The following PIP4K2A variants were observed in gnomAD, a reference collection of about 807,000 sequenced individuals.
PIP4K2A encodes the protein phosphatidylinositol 5-phosphate 4-kinase type-2 alpha.
PIP4K2A carries 14 observed loss-of-function variants against 42.9 expected under a neutral mutation model. That is an observed-to-expected ratio of 0.33 (90% CI 0.22 to 0.51). The LOEUF (loss-of-function observed/expected upper bound fraction) is 0.51. Among genes scored for constraint, PIP4K2A ranks in the 20% least tolerant of loss-of-function variants. The pLI is 0.97. For missense variants in PIP4K2A, 434 were observed against 519.8 expected (o/e 0.83, Z 1.61); for synonymous variants, 192 against 192.2 (o/e 1.00, Z 0.01).
At chr10:22,640,273 G>A (rs1215664122) in intron 1 of PIP4K2A, among the ~76,000 whole-genome samples, 1 of 152,122 alleles carries the variant, frequency 6.6e-6, no homozygotes, top group African/African-American at 2.4e-5. Flanking sequence ...GACGGCTATT[G>A]CATCTGGGAA....
chr10:22,661,188 T>G (rs973153985), intron 1 of PIP4K2A, among the ~76,000 whole-genome samples: 3 of 152,218 alleles, frequency 2.0e-5, no homozygotes, highest in African/African-American at 7.2e-5. Flanking sequence ...TCTTTGCAGT[T>G]GCAAAGCACA....
intron 1 of PIP4K2A, among the ~76,000 whole-genome samples, chr10:22,682,578 C>G (rs1426045999): frequency 6.6e-6 from 1 of 152,134 alleles, no homozygotes; most frequent in Non-Finnish European, 1.5e-5. Flanking sequence ...GTTTAGCTAA[C>G]AAAGTACACA....
intron 7 of PIP4K2A, among the ~76,000 whole-genome samples, chr10:22,543,129 C>A (rs550449043): frequency 6.6e-6 from 1 of 152,320 alleles, no homozygotes; most frequent in South Asian, 2.1e-4. Flanking sequence ...TTGCTAAGCC[C>A]CGCAGAGTCA....
intron 7 of PIP4K2A, among the ~76,000 whole-genome samples, chr10:22,544,485 CCT>C (rs1001368509): frequency 6.6e-5 from 10 of 152,232 alleles, no homozygotes; most frequent in African/African-American, 2.4e-4. Flanking sequence ...GCTTCCCTGG[CCT>C]CTCTCTCTAC....
intron 1 of PIP4K2A, among the ~76,000 whole-genome samples, chr10:22,668,994 C>CT (rs969834057): frequency 6.6e-5 from 10 of 152,078 alleles, no homozygotes; most frequent in African/African-American, 2.2e-4. Flanking sequence ...TTTTAATACT[C>CT]TTTTTTTGTT....
Position 22,579,217 on chromosome 10 carries a change from T to G in PIP4K2A, c.493-5760A>C, listed in dbSNP as rs549310730. ...TCGGAAATGGTCACAGTTTATCTGTTCTGGGACTATTACCGCACGTGTAAA... is the reference window on the plus strand; with the variant it reads ...TCGGAAATGGTCACAGTTTATCTGTGCTGGGACTATTACCGCACGTGTAAA... On this transcript the variant is annotated intron_variant, in intron 4 of 9. Transcript: ENST00000376573. 2.2e-4 allele frequency among the ~76,000 whole-genome samples: 34 copies of G among 152,238 alleles called. No individual in the cohort carries two copies. In the South Asian group the frequency reaches 7.0e-3, roughly 32 times the overall value.
At chr10:22,684,854 T>G (rs1839728575) in intron 1 of PIP4K2A, among the ~76,000 whole-genome samples, 1 of 152,210 alleles carries the variant, frequency 6.6e-6, no homozygotes, top group Non-Finnish European at 1.5e-5. Flanking sequence ...GGTGGGTCCT[T>G]ATAGCACTGC....
intron 1 of PIP4K2A, among the ~76,000 whole-genome samples, chr10:22,687,108 T>G (rs547493623): frequency 2.3e-4 from 35 of 149,556 alleles, no homozygotes; most frequent in Non-Finnish European, 3.8e-4. Context: ...GACACTATAC[T>G]AATCTGCAAT....
At chr10:22,582,289 T>G (rs1025947716) in intron 4 of PIP4K2A, among the ~76,000 whole-genome samples, 1 of 152,038 alleles carries the variant, frequency 6.6e-6, no homozygotes, top group African/African-American at 2.4e-5. Context: ...CCACCAGACC[T>G]AGGTTTCCTT....
At chr10:22,649,278 CTGTT>C (rs751983141) in intron 1 of PIP4K2A, among the ~76,000 whole-genome samples, 2 of 152,218 alleles carry the variant, frequency 1.3e-5, no homozygotes, top group Non-Finnish European at 2.9e-5. Context: ...TCTATAATGT[CTGTT>C]TCTTTCTCCT....
intron 7 of PIP4K2A, among the ~76,000 whole-genome samples, chr10:22,547,604 T>G (rs1836288581): frequency 6.6e-6 from 1 of 152,148 alleles, no homozygotes; most frequent in Non-Finnish European, 1.5e-5. Flanking sequence ...CCCATCTCCA[T>G]GGATGGGGGG....
intron 1 of PIP4K2A, among the ~76,000 whole-genome samples, chr10:22,684,468 C>T (rs115176440): frequency 6.6e-6 from 1 of 152,132 alleles, no homozygotes; most frequent in African/African-American, 2.4e-5. Context: ...CTTTGTAATG[C>T]GCTTGTTTCA....
intron 1 of PIP4K2A, among the ~76,000 whole-genome samples, chr10:22,713,003 G>A (rs774842097): frequency 3.3e-5 from 5 of 151,738 alleles, no homozygotes; most frequent in Admixed American, 6.6e-5. Flanking sequence ...CGCTGAAAAG[G>A]ACATACAGAC....
At chr10:22,543,453 T>C (rs1836179574) in intron 7 of PIP4K2A, among the ~76,000 whole-genome samples, 1 of 152,216 alleles carries the variant, frequency 6.6e-6, no homozygotes, top group South Asian at 2.1e-4. Flanking sequence ...CCTGTTTGTT[T>C]AAAAATAGAG....
chr10:22,616,160 A>C (rs1225213988), intron 1 of PIP4K2A, among the ~76,000 whole-genome samples: 2 of 152,128 alleles, frequency 1.3e-5, no homozygotes, highest in East Asian at 3.9e-4. Flanking sequence ...AATGTCCCTG[A>C]TTATGGTATG....
intron 1 of PIP4K2A, among the ~76,000 whole-genome samples, chr10:22,685,920 T>A (rs1839755563): frequency 6.6e-6 from 1 of 152,194 alleles, no homozygotes; most frequent in Non-Finnish European, 1.5e-5. Context: ...TGTAATTTAA[T>A]AACAATTACA....
At chr10:22,668,664 T>C (rs180910131) in intron 1 of PIP4K2A, among the ~76,000 whole-genome samples, 1 of 152,310 alleles carries the variant, frequency 6.6e-6, no homozygotes, top group African/African-American at 2.4e-5. Context: ...CAAAATTCTA[T>C]ATGGCCCACA....
At chr10:22,670,102 G>A (rs187704969) in intron 1 of PIP4K2A, among the ~76,000 whole-genome samples, 3 of 152,322 alleles carry the variant, frequency 2.0e-5, no homozygotes, top group East Asian at 3.9e-4. Context: ...TGACAGGCCA[G>A]GTGTTGTGGC....
chr10:22,663,645 T>C (rs542407396), intron 1 of PIP4K2A, among the ~76,000 whole-genome samples: 1 of 152,280 alleles, frequency 6.6e-6, no homozygotes, highest in Non-Finnish European at 1.5e-5. Context: ...GGATAGTCAC[T>C]ATAAATGTTT....
Sources: gnomAD v4.1 joint callset for allele counts (sites outside exome capture counted in the v4.1 genomes callset) on GRCh38, gnomAD v4.1.1 for gene constraint, MANE v1.5 for transcripts, NCBI Gene and HGNC (gene_info 2026-07-23, HGNC 2026-07-21) for gene names.